The following DMD variants were observed in gnomAD, a reference collection of about 807,000 sequenced individuals.
The protein encoded by DMD is mutant dystrophin.
DMD carries 63 observed loss-of-function variants against 330.1 expected under a neutral mutation model. The observed-to-expected ratio is 0.19, with a 90% CI of 0.16 to 0.24. DMD has a LOEUF of 0.24. DMD is among the 10% of genes least tolerant of loss of function. DMD has a pLI of 1.00. For missense variants in DMD, 3,344 were observed against 2,684.1 expected (o/e 1.25, Z -5.43); for synonymous variants, 1,223 against 959.8 (o/e 1.27, Z -5.07).
intron 60 of DMD, among the ~76,000 whole-genome samples, chrX:31,355,967 G>A (rs558447171): frequency 9.0e-6 from 1 of 111,033 alleles, no homozygotes; most frequent in African/African-American, 3.3e-5. Flanking sequence ...CACCTCTACC[G>A]GCCATCTTCT....
intron 56 of DMD, among the ~76,000 whole-genome samples, chrX:31,498,636 C>G (rs2147092534): frequency 8.9e-6 from 1 of 112,074 alleles, no homozygotes; most frequent in Admixed American, 9.5e-5. Flanking sequence ...GTAATGACAA[C>G]CAGGTTATCC....
At chrX:32,182,073 G>A (rs1470614679) in intron 44 of DMD, among the ~76,000 whole-genome samples, 1 of 112,023 alleles carries the variant, frequency 8.9e-6, no homozygotes, top group African/African-American at 3.2e-5. Context: ...ACCTAAAATG[G>A]GAGGCCTGTC....
At chrX:31,394,962 A>AGAGAGAGAGAGAGAGAGAGAG (rs2060854934) in intron 60 of DMD, among the ~76,000 whole-genome samples, 1 of 108,715 alleles carries the variant, frequency 9.2e-6, no homozygotes, top group African/African-American at 3.4e-5. Context: ...AGAGAGAGAG[A>AGAGAGAGAGAGAGAGAGAGAG]CCAAGTGTGG....
chrX:31,655,812 G>T (rs1022814597), intron 54 of DMD, among the ~76,000 whole-genome samples: 1 of 111,363 alleles, frequency 9.0e-6, no homozygotes, highest in Non-Finnish European at 1.9e-5. Flanking sequence ...CCAGAACTAT[G>T]AGCCAACAAA....
At chrX:32,164,973 A>C (rs2096862886) in intron 44 of DMD, among the ~76,000 whole-genome samples, 1 of 112,293 alleles carries the variant, frequency 8.9e-6, no homozygotes, top group South Asian at 3.7e-4. Context: ...AGAATTCAAG[A>C]ATTGAAGTTT....
chrX:31,333,034 T>G (rs759178672), intron 61 of DMD, among the ~76,000 whole-genome samples: 23 of 111,351 alleles, frequency 2.1e-4, no homozygotes, highest in Admixed American at 1.5e-3. Context: ...TTCTTCCTCT[T>G]TTTCTAGCCA....
At chrX:32,456,879 C>T (rs1345325376) in intron 25 of DMD, among the ~76,000 whole-genome samples, 1 of 104,060 alleles carries the variant, frequency 9.6e-6, no homozygotes, top group Non-Finnish European at 2.0e-5. Flanking sequence ...TTTAATATGC[C>T]TATTATTAAT....
intron 17 of DMD, among the ~76,000 whole-genome samples, chrX:32,527,997 A>G (rs1180115163): frequency 8.9e-6 from 1 of 112,174 alleles, no homozygotes; most frequent in East Asian, 2.8e-4. Context: ...ATGTAAAGTA[A>G]ATGTGCATTT....
At chrX:32,776,357 G>C (rs1435002674) in intron 7 of DMD, among the ~76,000 whole-genome samples, 1 of 109,176 alleles carries the variant, frequency 9.2e-6, no homozygotes, top group South Asian at 4.1e-4. Flanking sequence ...TATATTTATA[G>C]CAATGCCCCA....
chrX:32,454,532 A>T (rs2098347442), intron 26 of DMD, 130 bp downstream of exon 26: 2 of 512,112 alleles, frequency 3.9e-6, no homozygotes, highest in Admixed American at 4.1e-5. Context: ...TAAAATTATT[A>T]ATTAAAAATC....
At chrX:33,083,789 G>T (rs1052087729) in intron 1 of DMD, among the ~76,000 whole-genome samples, 6 of 111,513 alleles carry the variant, frequency 5.4e-5, no homozygotes, top group Non-Finnish European at 1.1e-4. Flanking sequence ...CAAACCAGTA[G>T]TCTTCCTACT....
chrX:32,526,979 G>C (rs1034610173), intron 17 of DMD, among the ~76,000 whole-genome samples: 5 of 112,039 alleles, frequency 4.5e-5, no homozygotes, highest in Non-Finnish European at 9.4e-5. Context: ...TGTAAACTTT[G>C]AGAGTGGAAG....
intron 41 of DMD, among the ~76,000 whole-genome samples, chrX:32,335,946 T>TATAAC (rs1491245744): frequency 9.4e-6 from 1 of 106,385 alleles, no homozygotes; most frequent in East Asian, 3.4e-4. Context: ...TGTATACGTG[T>TATAAC]ATGTTATATA....
intron 45 of DMD, among the ~76,000 whole-genome samples, chrX:31,944,663 C>CTTTTT: frequency 1.2e-5 from 1 of 81,535 alleles, no homozygotes; most frequent in Non-Finnish European, 2.4e-5. Context: ...TTTTGTTCTG[C>CTTTTT]TTTTTTTTTT....
intron 1 of DMD, among the ~76,000 whole-genome samples, chrX:33,312,352 A>G (rs1421381325): frequency 9.0e-6 from 1 of 111,119 alleles, no homozygotes; most frequent in East Asian, 2.8e-4. Flanking sequence ...GTATGTTCAG[A>G]TTTTGGTATA....
intron 21 of DMD, among the ~76,000 whole-genome samples, chrX:32,476,325 A>G (rs1187112922): frequency 9.0e-6 from 1 of 111,637 alleles, no homozygotes; most frequent in Non-Finnish European, 1.9e-5. Context: ...TAAAACATGC[A>G]TATTTTAATT....
chrX:32,093,344 A>G (rs759349901), intron 44 of DMD, among the ~76,000 whole-genome samples: 9 of 112,138 alleles, frequency 8.0e-5, no homozygotes, highest in Non-Finnish European at 1.7e-4. Context: ...CTTCAAAGAT[A>G]CTGATTTCCT....
chrX:31,884,675 T>G (rs960675746), intron 47 of DMD, among the ~76,000 whole-genome samples: 29 of 112,164 alleles, frequency 2.6e-4, no homozygotes, highest in African/African-American at 9.1e-4. Flanking sequence ...TGTAAGGTAA[T>G]GAATATGTTC....
chrX:33,226,118 T>C (rs1033036809), intron 1 of DMD, among the ~76,000 whole-genome samples: 1 of 111,477 alleles, frequency 9.0e-6, no homozygotes, highest in Non-Finnish European at 1.9e-5. Flanking sequence ...TTACACATTG[T>C]TGGTGGAAAC....
Sources: allele counts gnomAD v4.1 joint callset (sites outside exome capture counted in the v4.1 genomes callset), GRCh38; gene constraint gnomAD v4.1.1; transcripts MANE v1.5; gene names NCBI Gene and HGNC (gene_info 2026-07-23, HGNC 2026-07-21).